Variants in GBP4 observed in about 807,000 individuals in gnomAD.
The protein encoded by GBP4 is guanylate binding protein 4.
In GBP4, 69 loss-of-function variants were observed where a neutral mutation model predicts 62.2. That is an observed-to-expected ratio of 1.11 (90% CI 0.91 to 1.36). GBP4 has a LOEUF of 1.36. GBP4 is among the 40% of genes most tolerant of loss of function. GBP4 has a pLI of 0.00. For synonymous variants in GBP4, 278 were observed against 274.6 expected (o/e 1.01, Z -0.12); for missense variants, 697 against 759.3 (o/e 0.92, Z 0.96).
chr1:89,191,488 T>A lies in GBP4; in HGVS notation c.689A>T (p.Gln230Leu). The A allele has an allele frequency of 6.2e-7, 1 of 1,613,040 alleles. No individual in the cohort carries two copies. Among genetic ancestry groups the A allele is most frequent in the Non-Finnish European group, 8.5e-7 (1 of 1,179,150 alleles). ...ACACTCTCTAGGCATGTTTGAATTT[T>A]GAATTTTGGGATTCTTGCCTGTGGA... is the stretch of plus-strand genomic sequence containing the variant. ...KLIPGKNPKI[Q>L]NSNMPRECIR... is the part of the protein sequence containing the mutation. Residue 230 changes from glutamine to leucine, a missense_variant, in exon 6 of 11, where the codon CAA becomes CTA. Transcript: ENST00000355754.
At chr1:89,195,158 G>A in intron 3 of GBP4, 139 bp downstream of exon 3, 2 of 826,212 alleles carry the variant, frequency 2.4e-6, no homozygotes, top group Non-Finnish European at 3.8e-6. Flanking sequence ...AATTAATAAG[G>A]AAGTCTGAGG....
intron 2 of GBP4, 36 bp from the exon 3 acceptor site, chr1:89,195,460 T>G (rs758049432): frequency 1.2e-6 from 2 of 1,610,974 alleles, no homozygotes; most frequent in African/African-American, 2.7e-5. Context: ...ACAGTAACAG[T>G]GGATAGACCA....
chr1:89,189,810 T>C (rs1354851987), intron 7 of GBP4, among the ~76,000 whole-genome samples: 4 of 152,066 alleles, frequency 2.6e-5, no homozygotes, highest in African/African-American at 7.2e-5. Context: ...GCTAATAACG[T>C]GTGTTGTTTT....
chr1:89,188,873 T>C, intron 7 of GBP4, 79 bp from the exon 8 acceptor site: 4 of 1,433,010 alleles, frequency 2.8e-6, no homozygotes, highest in Non-Finnish European at 3.9e-6. Flanking sequence ...TTGGAAGAAG[T>C]AGTCTGAAGG....
At chr1:89,188,464 T>G (rs1376911919) in intron 8 of GBP4, 118 bp downstream of exon 8, 1 of 794,718 alleles carries the variant, frequency 1.3e-6, no homozygotes, top group East Asian at 2.4e-5. Context: ...AAACTCAAAA[T>G]AGCATCATGT....
chr1:89,188,769 T>A lies in GBP4; in HGVS notation c.1223A>T (p.Asp408Val). The change falls in exon 8 of 11, where the codon GAC (aspartate) becomes GTC (valine). Residue 408 changes from aspartate to valine, a missense_variant. Physicochemically the swap from Asp to Val is radical, Grantham distance 152. Transcript: ENST00000355754. ...LVDTIEKKKG[D>V]FVLQNEEASA... ...TGCCTCTTCATTCTGCAGCACAAAG[T>A]CTCCCTTCTTTTTCTCTATGGTGTC... 1.9e-6 allele frequency: 3 copies of A among 1,614,206 alleles called. No homozygotes were observed. The highest frequency in any genetic ancestry group is 2.5e-6 in the Non-Finnish European group (3 of 1,180,034).
Position 89,191,285 on chromosome 1 carries a change from C to T in GBP4, c.892G>A (p.Glu298Lys), listed in dbSNP as rs766698378. 6 of 1,613,592 alleles carry T rather than the reference C, an allele frequency of 3.7e-6. No individual in the cohort carries two copies. In the South Asian group the frequency reaches 5.5e-5, roughly 15 times the overall value. ...FTHAKTKTLREGIIVTGKRLG... is the reference protein window; with the variant it reads ...FTHAKTKTLRKGIIVTGKRLG... ...CGCTTTCCAGTGACAATGATTCCCT[C>T]TCTCAGGGTCTTGGTCTTTGCATGG... The change falls in exon 6 of 11, where the codon GAG (glutamate) becomes AAG (lysine). Residue 298 changes from glutamate to lysine, a missense_variant. Physicochemically the swap from Glu to Lys is moderately conservative, Grantham distance 56 (BLOSUM62 1). Coordinates refer to ENST00000355754, the MANE Select transcript of GBP4 (RefSeq NM_052941.5).
chr1:89,194,859 A>G (rs1285105930), intron 3 of GBP4, among the ~76,000 whole-genome samples: 1 of 152,222 alleles, frequency 6.6e-6, no homozygotes. Flanking sequence ...CTTAAATAGT[A>G]GATCCCATTG....
In GBP4 at chr1:89,198,831, C is replaced by T. The variant is rs753546285; in HGVS notation, c.4G>A (p.Gly2Ser). 2 of 1,613,856 alleles carry T rather than the reference C, an allele frequency of 1.2e-6. No individual in the cohort carries two copies. Among genetic ancestry groups the T allele is most frequent in the South Asian group, 2.2e-5 (2 of 91,074 alleles). Residue 2 changes from glycine (G) to serine (S), a missense_variant, in exon 1 of 11, where the codon GGT becomes AGT. By Grantham distance (56) the Gly-to-Ser change is moderately conservative. This residue lies in a region of GBP4 where 556 missense variants were observed against 562.7 expected (regional missense o/e 0.99). Coordinates refer to ENST00000355754, the MANE Select transcript of GBP4 (RefSeq NM_052941.5). Reference sequence around the variant, plus strand: ...ACTGCAGCGTGAAGAGTTCTCTCACCCATTGCTCTGTCCTCCTGCGCCTGG... The same window carrying T: ...ACTGCAGCGTGAAGAGTTCTCTCACTCATTGCTCTGTCCTCCTGCGCCTGG... M[G>S]ERTLHAAVPT...
At chr1:89,190,340 A>G (rs1648148368) in intron 6 of GBP4, 22 bp from the exon 7 acceptor site, 2 of 1,554,558 alleles carry the variant, frequency 1.3e-6, no homozygotes, top group Non-Finnish European at 1.7e-6. Context: ...ATATTTAGGG[A>G]AAATTTACAG....
At chr1:89,189,930 C>G (rs1302606141) in intron 7 of GBP4, 108 bp downstream of exon 7, 1 of 1,078,184 alleles carries the variant, frequency 9.3e-7, no homozygotes, top group South Asian at 1.6e-5. Context: ...TCACAAGAAA[C>G]CATGGTCTTT....
At chr1:89,189,554 T>A (rs1024933217) in intron 7 of GBP4, among the ~76,000 whole-genome samples, 1 of 152,238 alleles carries the variant, frequency 6.6e-6, no homozygotes, top group African/African-American at 2.4e-5. Flanking sequence ...GAGTGTGCCC[T>A]GTTGGGCATG....
In GBP4 at chr1:89,182,234, C is replaced by T. The variant is rs1005474630; in HGVS notation, c.*3020G>A. On this transcript the variant is annotated 3_prime_UTR_variant, in exon 11 of 11. Coordinates refer to ENST00000355754, the MANE Select transcript of GBP4 (RefSeq NM_052941.5). Reference sequence around the variant, plus strand: ...AGGAAGGGCTTTTTTCAGCTGGTGGCATCAGCAAGCTGCTGCCTTAAAATC... The same window carrying T: ...AGGAAGGGCTTTTTTCAGCTGGTGGTATCAGCAAGCTGCTGCCTTAAAATC... The T allele has an allele frequency of 1.3e-5, 2 of 152,146 alleles. No homozygotes were observed. Among genetic ancestry groups the T allele is most frequent in the Admixed American group, 6.5e-5 (1 of 15,282 alleles). 9.4% of individuals were successfully genotyped at this position (152,146 alleles called of 1,614,324 possible).
At chr1:89,189,668 T>C (rs1648128119) in intron 7 of GBP4, among the ~76,000 whole-genome samples, 1 of 152,214 alleles carries the variant, frequency 6.6e-6, no homozygotes, top group Admixed American at 6.5e-5. Flanking sequence ...ATTGCTGACT[T>C]GAAGATGGAT....
At position 89,190,616 on chromosome 1, in the gene GBP4, A is replaced by G. The variant is rs141090741; in HGVS notation, c.917-298T>C. ...TGGAAAAATACATTTCCATTTAAAT[A>G]CCATATAAATGAGTTTGTTAGCAGG... On this transcript the variant is annotated intron_variant, in intron 6 of 10. Transcript: ENST00000355754. 4.8e-3 allele frequency among the ~76,000 whole-genome samples: 735 copies of G among 152,258 alleles called. 4 individuals are homozygous for G. The highest frequency in any genetic ancestry group is 0.016 in the African/African-American group (680 of 41,550).
chr1:89,192,142 G>A (rs1345206468), intron 5 of GBP4, among the ~76,000 whole-genome samples: 1 of 152,060 alleles, frequency 6.6e-6, no homozygotes, highest in Non-Finnish European at 1.5e-5. Flanking sequence ...TCTTGCAGAG[G>A]GATTCTGTGG....
At chr1:89,192,229 C>T (rs182788450) in intron 5 of GBP4, among the ~76,000 whole-genome samples, 3 of 152,228 alleles carry the variant, frequency 2.0e-5, no homozygotes, top group African/African-American at 7.2e-5. Flanking sequence ...ATTGTAGGTG[C>T]CAACAGGTAT....
chr1:89,192,950 G>A lies in GBP4; in HGVS notation c.624C>T (p.Pro208=). Residue 208 remains proline, a synonymous_variant, in exon 5 of 11, where the codon CCC becomes CCT. Coordinates refer to ENST00000355754, the MANE Select transcript of GBP4 (RefSeq NM_052941.5). The stretch of plus-strand genomic sequence containing the variant: ...TCTCCAGGTACTCATCTTCTGTGAT[G>A]GGGTTTCCATCTAACTTTAGCTCCA... ...FTLELKLDGN[P]ITEDEYLENA... The A allele has an allele frequency of 6.2e-7, 1 of 1,614,102 alleles. No homozygotes were observed. The highest frequency in any genetic ancestry group is 1.1e-5 in the South Asian group (1 of 91,076).
rs548256838 is a variant in GBP4 at position 89,198,814 on chromosome 1, G to A, written c.21C>T (p.His7=). 9 of 1,613,850 alleles carry A rather than the reference G, an allele frequency of 5.6e-6. No individual in the cohort carries two copies. The highest frequency in any genetic ancestry group is 5.3e-5 in the African/African-American group (4 of 75,036). Residue 7 remains histidine, a synonymous_variant, in exon 1 of 11, where the codon CAC becomes CAT. Coordinates refer to ENST00000355754, the MANE Select transcript of GBP4 (RefSeq NM_052941.5). Reference sequence around the variant, plus strand: ...ACTTACCTGGTGTGGGCACTGCAGCGTGAAGAGTTCTCTCACCCATTGCTC... The same window carrying A: ...ACTTACCTGGTGTGGGCACTGCAGCATGAAGAGTTCTCTCACCCATTGCTC... MGERTL[H]AAVPTPGYPE...
Sources: gnomAD v4.1 joint callset for allele counts (sites outside exome capture counted in the v4.1 genomes callset) on GRCh38, gnomAD v4.1.1 for gene constraint, gnomAD v4.1.1 regional missense constraint, MANE v1.5 for transcripts, NCBI Gene and HGNC (gene_info 2026-07-23, HGNC 2026-07-21) for gene names.